The following MALT1 variants were observed in gnomAD, a reference collection of about 807,000 sequenced individuals.
The protein encoded by MALT1 is MALT1 paracaspase.
A neutral mutation model predicts 85.5 loss-of-function variants in MALT1; 36 were observed. The observed-to-expected ratio is 0.42, with a 90% CI of 0.32 to 0.56. The LOEUF is 0.56. Ranked by LOEUF, MALT1 falls within the 20% of genes least tolerant of loss-of-function variation. The pLI is 0.10. For missense variants in MALT1, 716 were observed against 981.6 expected, an observed-to-expected ratio of 0.73 and a Z score of 3.62; for synonymous variants, 359 against 361.3, an observed-to-expected ratio of 0.99 and a Z score of 0.07.
Position 58,671,546 on chromosome 18 carries a change from G to C in MALT1, c.-98G>C, listed in dbSNP as rs1391900132. ...CTGCCAGATTTGTTCTTCCGCCCCT[G>C]CCTCCGCGGCTCGGAGGCGAGCGGA... On this transcript the variant is annotated 5_prime_UTR_variant, in exon 1 of 17. Transcript: ENST00000649217. 1.3e-6 allele frequency: 1 copy of C among 761,160 alleles called. No individual in the cohort carries two copies. Among genetic ancestry groups the C allele is most frequent in the Admixed American group, 4.5e-5 (1 of 21,996 alleles). 47.2% of individuals were successfully genotyped at this position (761,160 alleles called of 1,614,324 possible).
In MALT1 at chr18:58,700,600, C is replaced by T. The variant is rs200919386; in HGVS notation, c.649+9C>T. Reference sequence around the variant, plus strand: ...CCCAGAGAGCTTCCAGAGTAAGTAACGAAAGAAGCTGAATGTTGGGATGGG... The same window carrying T: ...CCCAGAGAGCTTCCAGAGTAAGTAATGAAAGAAGCTGAATGTTGGGATGGG... On this transcript the variant is annotated intron_variant, in intron 4 of 16. Transcript: ENST00000649217. The T allele has an allele frequency of 9.6e-4, 1,507 of 1,577,662 alleles. 1 individual carries two copies. Among genetic ancestry groups the T allele is most frequent in the Admixed American group, 1.5e-3 (75 of 50,074 alleles).
chr18:58,692,170 A>T (rs975844738), intron 2 of MALT1: 1 of 152,062 alleles, frequency 6.6e-6, no homozygotes, highest in Non-Finnish European at 1.5e-5. Flanking sequence ...GCCAAGGACC[A>T]TTCTGAGGCC....
rs575130994 is a variant in MALT1, at chr18:58,746,629, C to G, written c.2038-776C>G. Among the ~76,000 whole-genome samples the G allele has an allele frequency of 4.6e-5, 7 of 151,792 alleles. No homozygotes were observed. The South Asian group carries it at 1.2e-3, about 27-fold the overall frequency. On this transcript the variant is annotated intron_variant, in intron 16 of 16. Coordinates refer to ENST00000649217, the MANE Select transcript of MALT1 (RefSeq NM_006785.4). The stretch of plus-strand genomic sequence containing the variant: ...TCCTTTCTTCTCTTAAAAAGTTAGC[C>G]CATTATCTGATTCAGTTATATTTTC...
At chr18:58,717,507 A>G (rs2054919748) in intron 9 of MALT1, among the ~76,000 whole-genome samples, 1 of 152,196 alleles carries the variant, frequency 6.6e-6, no homozygotes, top group African/African-American at 2.4e-5. Context: ...TGAGAGTCCA[A>G]CTAAGACTTT....
chr18:58,725,234 A>G (rs746623524), intron 10 of MALT1, among the ~76,000 whole-genome samples: 5 of 152,166 alleles, frequency 3.3e-5, no homozygotes, highest in Non-Finnish European at 7.3e-5. Context: ...AGACACAAGA[A>G]TCGCTTGAAC....
intron 9 of MALT1, among the ~76,000 whole-genome samples, chr18:58,719,290 CTG>C (rs10546661): frequency 0.13 from 19,948 of 151,864 alleles, 2,360 homozygotes; most frequent in African/African-American, 0.31. Flanking sequence ...TGGTGAAAGA[CTG>C]TGAAGACTGA....
chr18:58,727,361 T>A (rs982559610), intron 10 of MALT1, among the ~76,000 whole-genome samples: 4 of 152,150 alleles, frequency 2.6e-5, no homozygotes, highest in Admixed American at 2.0e-4. Flanking sequence ...TGGAGTGCGG[T>A]GGCGCAATCT....
rs1001840590 is a variant in MALT1, at chr18:58,751,625, T to C, written c.*3783T>C. The stretch of plus-strand genomic sequence containing the variant: ...TTTACTTGAATCTCGTGCCAATTGC[T>C]TTGTAATATTAAAGTAGGATTTACA... On this transcript the variant is annotated 3_prime_UTR_variant, in exon 17 of 17. Transcript: ENST00000649217. 1 of 152,214 alleles carries C rather than the reference T, an allele frequency of 6.6e-6. No individual in the cohort carries two copies. The highest frequency in any genetic ancestry group is 1.5e-5 in the Non-Finnish European group (1 of 68,032). The allele number at this position is 152,214 out of a possible 1,614,324, so 9.4% of individuals were successfully genotyped here.
chr18:58,743,052 A>G (rs1291857534), intron 14 of MALT1, among the ~76,000 whole-genome samples: 1 of 152,166 alleles, frequency 6.6e-6, no homozygotes, highest in Non-Finnish European at 1.5e-5. Context: ...ATGAACTTCT[A>G]TAAAATATCT....
chr18:58,724,866 C>T (rs1327322830), intron 10 of MALT1, among the ~76,000 whole-genome samples: 1 of 151,718 alleles, frequency 6.6e-6, no homozygotes, highest in Non-Finnish European at 1.5e-5. Context: ...AAAATTGGGC[C>T]GGACGCAGTG....
At chr18:58,700,768 C>CT (rs528649115) in intron 4 of MALT1, among the ~76,000 whole-genome samples, 177 bp downstream of exon 4, 3,997 of 149,164 alleles carry the variant, frequency 0.027, 71 homozygotes, top group Non-Finnish European at 0.037. Context: ...TTTTGTCTTT[C>CT]TTTTTTTTTT....
At chr18:58,692,285 A>G (rs1285637544) in intron 2 of MALT1, 1 of 152,058 alleles carries the variant, frequency 6.6e-6, no homozygotes, top group Non-Finnish European at 1.5e-5. Context: ...GAGCCCTTGC[A>G]TTGCAAAGGA....
intron 13 of MALT1, among the ~76,000 whole-genome samples, chr18:58,739,552 A>G (rs1019265437): frequency 1.5e-4 from 23 of 152,196 alleles, no homozygotes. Context: ...GTTTAAATTG[A>G]TGGACTTTCA....
At chr18:58,739,799 G>GTAAACACA (rs1555689721) in intron 13 of MALT1, among the ~76,000 whole-genome samples, 3 of 106,620 alleles carry the variant, frequency 2.8e-5, no homozygotes, top group African/African-American at 1.2e-4. Context: ...GTCCCTCTAT[G>GTAAACACA]TACACACATA....
Position 58,712,969 on chromosome 18 carries a change from A to G in MALT1, c.959-1114A>G, listed in dbSNP as rs150614668. ...GAGGAGGGGGATTCCAAGATGGAAT[A>G]CAGACTATAAGAAAAGAACCTAACT... On this transcript the variant is annotated intron_variant, in intron 7 of 16. Transcript: ENST00000649217. Among the ~76,000 whole-genome samples, 5 of 152,258 alleles carry G rather than the reference A, an allele frequency of 3.3e-5. No homozygotes were observed. The East Asian group carries it at 7.7e-4, about 23-fold the overall frequency.
intron 3 of MALT1, among the ~76,000 whole-genome samples, chr18:58,698,947 T>G (rs1363748601): frequency 6.6e-6 from 1 of 152,214 alleles, no homozygotes; most frequent in Non-Finnish European, 1.5e-5. Context: ...GTCTGTTGCC[T>G]GGGGGTAAAA....
chr18:58,717,553 G>A (rs1197575427), intron 9 of MALT1, among the ~76,000 whole-genome samples: 1 of 151,874 alleles, frequency 6.6e-6, no homozygotes, highest in African/African-American at 2.4e-5. Context: ...CAGATCAGTT[G>A]TGTGCTTTTT....
intron 10 of MALT1, among the ~76,000 whole-genome samples, chr18:58,729,498 A>G (rs1308680823): frequency 1.4e-5 from 2 of 144,012 alleles, no homozygotes; most frequent in African/African-American, 5.5e-5. Flanking sequence ...TCAAAAAAAA[A>G]AAAAAAAGAA....
At chr18:58,741,802 C>A in intron 13 of MALT1, 63 bp from the exon 14 acceptor site, 1 of 1,025,448 alleles carries the variant, frequency 9.8e-7, no homozygotes. Flanking sequence ...AGTTCTTAGC[C>A]TAAATATTTA....
Sources: gnomAD v4.1 joint callset for allele counts (sites outside exome capture counted in the v4.1 genomes callset) on GRCh38, gnomAD v4.1.1 for gene constraint, MANE v1.5 for transcripts, NCBI Gene and HGNC (gene_info 2026-07-23, HGNC 2026-07-21) for gene names.